Variants in DDX10 observed in about 807,000 individuals in gnomAD.
DDX10 encodes the protein DEAD-box helicase 10, also known as probable ATP-dependent RNA helicase DDX10.
Under a neutral mutation model 104.3 loss-of-function variants are expected in DDX10, and 74 were observed. The ratio of observed to expected loss-of-function variants is 0.71; its 90% confidence interval spans 0.59 to 0.86. The LOEUF is 0.86. DDX10 is among the 40% of genes least tolerant of loss of function. DDX10 has a pLI of 0.00. For missense variants in DDX10, 952 were observed against 1,040.0 expected, an observed-to-expected ratio of 0.92 and a Z score of 1.16; for synonymous variants, 351 against 353.4, an observed-to-expected ratio of 0.99 and a Z score of 0.08.
chr11:108,873,172 G>A (rs1268868373), intron 16 of DDX10, among the ~76,000 whole-genome samples: 2 of 152,068 alleles, frequency 1.3e-5, no homozygotes, highest in Admixed American at 1.3e-4. Flanking sequence ...TTTAAATTTG[G>A]ACTAAGTGGC....
chr11:108,671,289 A>C (rs2094216684), intron 1 of DDX10, among the ~76,000 whole-genome samples: 1 of 152,098 alleles, frequency 6.6e-6, no homozygotes, highest in Non-Finnish European at 1.5e-5. Context: ...TCAGCCTCCC[A>C]AGTAGCTGGG....
In DDX10 at chr11:108,692,513, G is replaced by A. The variant is rs111371258; in HGVS notation, c.1138+475G>A. Among the ~76,000 whole-genome samples the A allele has an allele frequency of 6.2e-3, 939 of 152,256 alleles. 9 individuals are homozygous for A. The highest frequency in any genetic ancestry group is 0.01 in the Non-Finnish European group (706 of 68,018). The stretch of plus-strand genomic sequence containing the variant: ...ACTCCTGGCTTTGTGGGAATGGGAC[G>A]GGGATGGACGTAACTAGAGAGGAAA... On this transcript the variant is annotated intron_variant, in intron 8 of 17. Coordinates refer to ENST00000322536, the MANE Select transcript of DDX10 (RefSeq NM_004398.4).
At chr11:108,775,193 C>T (rs1350042777) in intron 13 of DDX10, among the ~76,000 whole-genome samples, 1 of 152,110 alleles carries the variant, frequency 6.6e-6, no homozygotes, top group Non-Finnish European at 1.5e-5. Context: ...ATGAAGGAAA[C>T]ATTGTGAATA....
intron 9 of DDX10, among the ~76,000 whole-genome samples, chr11:108,699,482 T>C (rs1460324782): frequency 1.3e-5 from 2 of 152,186 alleles, no homozygotes; most frequent in African/African-American, 2.4e-5. Flanking sequence ...TCCTCTGCTG[T>C]TGGTCAGAGG....
chr11:108,709,021 A>G (rs1431836391), intron 10 of DDX10, among the ~76,000 whole-genome samples: 1 of 152,190 alleles, frequency 6.6e-6, no homozygotes, highest in Non-Finnish European at 1.5e-5. Flanking sequence ...TATATAGATG[A>G]TCATGGATCT....
intron 13 of DDX10, among the ~76,000 whole-genome samples, chr11:108,757,367 T>C (rs2094345725): frequency 6.6e-6 from 1 of 152,084 alleles, no homozygotes; most frequent in Non-Finnish European, 1.5e-5. Flanking sequence ...CAGCTAAAAA[T>C]ATTTACTGTT....
At chr11:108,934,682 C>T (rs1864014717) in intron 17 of DDX10, among the ~76,000 whole-genome samples, 1 of 152,158 alleles carries the variant, frequency 6.6e-6, no homozygotes, top group South Asian at 2.1e-4. Flanking sequence ...AAGTTGCAGT[C>T]ATGGTAAAAT....
chr11:108,928,035 T>G (rs1591129520), intron 17 of DDX10, among the ~76,000 whole-genome samples: 1 of 152,190 alleles, frequency 6.6e-6, no homozygotes, highest in Non-Finnish European at 1.5e-5. Flanking sequence ...CTGACTTGTT[T>G]TGTTTGGATT....
chr11:108,751,961 A>G (rs2094339272), intron 13 of DDX10, among the ~76,000 whole-genome samples: 1 of 152,070 alleles, frequency 6.6e-6, no homozygotes, highest in African/African-American at 2.4e-5. Flanking sequence ...AATTAGCAAT[A>G]TTTTACTCCA....
intron 4 of DDX10, among the ~76,000 whole-genome samples, chr11:108,677,532 T>C (rs555196597): frequency 6.6e-6 from 1 of 152,032 alleles, no homozygotes; most frequent in South Asian, 2.1e-4. Flanking sequence ...GGGAAAGATA[T>C]TTCCATATAT....
At chr11:108,925,079 C>T (rs1863890345) in intron 17 of DDX10, among the ~76,000 whole-genome samples, 1 of 152,248 alleles carries the variant, frequency 6.6e-6, no homozygotes, top group East Asian at 1.9e-4. Context: ...AAATCTCAGT[C>T]GTTTCTTATT....
At chr11:108,837,903 G>A (rs775119060) in intron 13 of DDX10, among the ~76,000 whole-genome samples, 2 of 152,042 alleles carry the variant, frequency 1.3e-5, no homozygotes, top group Non-Finnish European at 2.9e-5. Flanking sequence ...GATTACAGGC[G>A]TGAGCCACCA....
intron 13 of DDX10, among the ~76,000 whole-genome samples, chr11:108,754,692 C>T (rs1299147329): frequency 6.6e-6 from 1 of 151,962 alleles, no homozygotes; most frequent in Non-Finnish European, 1.5e-5. Flanking sequence ...ACACACTGTA[C>T]ATCTAGAATC....
At chr11:108,883,944 G>A (rs1863261009) in intron 16 of DDX10, among the ~76,000 whole-genome samples, 1 of 152,094 alleles carries the variant, frequency 6.6e-6, no homozygotes, top group Non-Finnish European at 1.5e-5. Flanking sequence ...TTCCAGACTT[G>A]AAGTTGTTGG....
At chr11:108,716,544 A>G (rs1043957188) in intron 11 of DDX10, among the ~76,000 whole-genome samples, 1 of 152,188 alleles carries the variant, frequency 6.6e-6, no homozygotes, top group Non-Finnish European at 1.5e-5. Context: ...AATACTTGAT[A>G]ACATTATTAA....
At chr11:108,758,658 C>T (rs1017660845) in intron 13 of DDX10, among the ~76,000 whole-genome samples, 1 of 152,042 alleles carries the variant, frequency 6.6e-6, no homozygotes, top group African/African-American at 2.4e-5. Context: ...TCTGTATCTT[C>T]AAAGCCAACA....
At chr11:108,822,490 T>G (rs1399352721) in intron 13 of DDX10, 4 of 292,418 alleles carry the variant, frequency 1.4e-5, no homozygotes, top group Non-Finnish European at 2.6e-5. Context: ...GCCTTTGTTC[T>G]TATTGGTGTC....
intron 13 of DDX10, among the ~76,000 whole-genome samples, chr11:108,736,280 T>C (rs986767448): frequency 6.6e-6 from 1 of 151,784 alleles, no homozygotes; most frequent in African/African-American, 2.4e-5. Context: ...TATATGGCCA[T>C]AAAATTATAC....
At position 108,817,869 on chromosome 11, in the gene DDX10, C is replaced by T. The variant is rs2134574314; in HGVS notation, c.1966-20577C>T. 2.0e-5 allele frequency among the ~76,000 whole-genome samples: 3 copies of T among 152,328 alleles called. No individual in the cohort carries two copies. The South Asian group carries it at 6.2e-4, about 32-fold the overall frequency. ...ACATAGTTCTTAAATGTGGATCAGG[C>T]ATTTGCCTCTGAAGTCTTGACTGTG... On this transcript the variant is annotated intron_variant, in intron 13 of 17. Transcript: ENST00000322536.
Sources: gnomAD v4.1 joint callset for allele counts (sites outside exome capture counted in the v4.1 genomes callset) on GRCh38, gnomAD v4.1.1 for gene constraint, MANE v1.5 for transcripts, NCBI Gene and HGNC (gene_info 2026-07-23, HGNC 2026-07-21) for gene names.